Variants in RNF170 observed in about 807,000 individuals in gnomAD.
RNF170 encodes ring finger protein 170.
A neutral mutation model predicts 32.7 loss-of-function variants in RNF170; 12 were observed. That is an observed-to-expected ratio of 0.37 (90% CI 0.24 to 0.60). The LOEUF (loss-of-function observed/expected upper bound fraction) is 0.60. Ranked by LOEUF, RNF170 falls within the 20% of genes least tolerant of loss-of-function variation. The pLI, the probability that RNF170 is intolerant of heterozygous loss-of-function variation, is 0.72. For synonymous variants in RNF170, 91 were observed against 103.6 expected, an observed-to-expected ratio of 0.88 and a Z score of 0.74; for missense variants, 212 against 311.2, an observed-to-expected ratio of 0.68 and a Z score of 2.40.
intron 1 of RNF170, among the ~76,000 whole-genome samples, chr8:42,891,301 C>A (rs375358026): frequency 6.6e-6 from 1 of 152,126 alleles, no homozygotes; most frequent in East Asian, 1.9e-4. Context: ...AATTCTGTTT[C>A]TTAGATTTTT....
At chr8:42,889,979 C>T (rs567595598) in intron 1 of RNF170, among the ~76,000 whole-genome samples, 1 of 152,242 alleles carries the variant, frequency 6.6e-6, no homozygotes, top group South Asian at 2.1e-4. Flanking sequence ...GATTTCCAAC[C>T]TCTAATTACC....
At chr8:42,889,044 T>C (rs1645223646) in intron 1 of RNF170, among the ~76,000 whole-genome samples, 1 of 152,202 alleles carries the variant, frequency 6.6e-6, no homozygotes, top group Admixed American at 6.5e-5. Flanking sequence ...TTACCATACT[T>C]ACAGTGTTGT....
rs1241344559 is a variant in RNF170 at position 42,880,216 on chromosome 8, A to C, written c.138-6210T>G. Reference sequence around the variant, plus strand: ...GAGGAGTTGCTTCCTATGGATGAGCAAAAGAAGTGGTTTCTCAAGATAGAA... The same window carrying C: ...GAGGAGTTGCTTCCTATGGATGAGCCAAAGAAGTGGTTTCTCAAGATAGAA... On this transcript the variant is annotated intron_variant, in intron 2 of 6. Transcript: ENST00000527424. 3.9e-5 allele frequency among the ~76,000 whole-genome samples: 6 copies of C among 152,226 alleles called. No individual in the cohort carries two copies. In the East Asian group the frequency reaches 1.2e-3, roughly 29 times the overall value.
rs1804015585 is a variant in RNF170, at chr8:42,865,483, C to T, written c.329G>A (p.Cys110Tyr). The T allele has an allele frequency of 1.2e-6, 2 of 1,612,620 alleles. No homozygotes were observed. Among genetic ancestry groups the T allele is most frequent in the Non-Finnish European group, 1.7e-6 (2 of 1,178,802 alleles). The change falls in exon 5 of 7, where the codon TGC (cysteine) becomes TAC (tyrosine). Residue 110 changes from cysteine to tyrosine, a missense_variant. Cys to Tyr is a radical substitution (Grantham distance 194). Transcript: ENST00000527424. ...TNCGHLFCGA[C>Y]IIAYWRYGSW... ...ACCATATCGCCAGTAAGCAATAATG[C>T]AGGCACCTAATAGACAAAACAAAAC...
intron 5 of RNF170, among the ~76,000 whole-genome samples, chr8:42,864,911 C>T (rs904896462): frequency 6.6e-6 from 1 of 151,104 alleles, no homozygotes; most frequent in African/African-American, 2.4e-5. Flanking sequence ...GTAGTGGTAT[C>T]TCAGTGACAG....
chr8:42,883,682 C>T (rs1166249664), intron 2 of RNF170, among the ~76,000 whole-genome samples: 1 of 151,534 alleles, frequency 6.6e-6, no homozygotes, highest in African/African-American at 2.4e-5. Context: ...GAGTTCAAGA[C>T]CAGCCTGACC....
At chr8:42,888,880 T>C (rs58641534) in intron 1 of RNF170, among the ~76,000 whole-genome samples, 7,439 of 152,094 alleles carry the variant, frequency 0.049, 374 homozygotes, top group African/African-American at 0.12. Context: ...TCAGATCCCT[T>C]TTCCCCCTCA....
intron 6 of RNF170, among the ~76,000 whole-genome samples, chr8:42,860,754 G>A (rs1803593862): frequency 1.4e-5 from 2 of 147,814 alleles, no homozygotes; most frequent in Admixed American, 6.8e-5. Context: ...TTTCACTCTC[G>A]TCGCCCAGGC....
In RNF170 at chr8:42,855,247, T is replaced by C. The variant is rs944923180; in HGVS notation, c.*912A>G. ...TTTTCATCTTTTTTTTTTTTTTTTT[T>C]GAGAGGGAGTCTCACTCTGTTGCCC... On this transcript the variant is annotated 3_prime_UTR_variant, in exon 7 of 7. Transcript: ENST00000527424. 57 of 1,115,112 alleles carry C rather than the reference T, an allele frequency of 5.1e-5. No individual in the cohort carries two copies. Among genetic ancestry groups the C allele is most frequent in the Non-Finnish European group, 6.6e-5 (55 of 836,564 alleles). 69.1% of individuals were successfully genotyped at this position (1,115,112 alleles called of 1,614,324 possible).
chr8:42,870,617 C>G (rs1804453470), intron 3 of RNF170, among the ~76,000 whole-genome samples: 1 of 152,054 alleles, frequency 6.6e-6, no homozygotes, highest in Non-Finnish European at 1.5e-5. Flanking sequence ...GTAGTCCCAG[C>G]TACTTGGGAG....
rs1183403793 is a variant in RNF170, at chr8:42,870,022, A to G, written c.304T>C (p.Cys102Arg). ...HQASFPVETN[C>R]GHLFCGACII... ...TGCTTACCACAAAAAAGATGTCCACAGTTGGTCTCCACCGGGAAGGAGGCT... is the reference window on the plus strand; with the variant it reads ...TGCTTACCACAAAAAAGATGTCCACGGTTGGTCTCCACCGGGAAGGAGGCT... Residue 102 changes from cysteine to arginine, a missense_variant, in exon 4 of 7, where the codon TGT (cysteine) becomes CGT (arginine). Around this residue, in one of 2 missense-constraint regions of RNF170, gnomAD observed 115 missense variants for 132.3 expected, o/e 0.87. Transcript: ENST00000527424. The G allele has an allele frequency of 1.2e-6, 2 of 1,613,680 alleles. No individual in the cohort carries two copies. Among genetic ancestry groups the G allele is most frequent in the South Asian group, 1.1e-5 (1 of 91,076 alleles).
At chr8:42,897,224 T>A, upstream of RNF170, 1 of 1,208,050 alleles carries the variant, frequency 8.3e-7, no homozygotes, top group Non-Finnish European at 1.0e-6. Context: ...GAAGACCCCC[T>A]CCCCCCGCCA....
chr8:42,850,827 T>TA, downstream of RNF170: 2 of 1,551,578 alleles, frequency 1.3e-6, no homozygotes, highest in Non-Finnish European at 1.7e-6. Context: ...CACAGTCTAG[T>TA]AACGTGAAGC....
At chr8:42,851,130 T>A, downstream of RNF170, 1 of 1,339,092 alleles carries the variant, frequency 7.5e-7, no homozygotes, top group Non-Finnish European at 1.0e-6. Flanking sequence ...CTCCCTGGGC[T>A]CTACCACCAC....
At chr8:42,873,593 T>C (rs1804684406) in intron 3 of RNF170, among the ~76,000 whole-genome samples, 2 of 152,210 alleles carry the variant, frequency 1.3e-5, no homozygotes, top group African/African-American at 4.8e-5. Context: ...TAGTTATTTC[T>C]TTGTAGATAT....
At chr8:42,891,262 C>T (rs1041212140) in intron 1 of RNF170, among the ~76,000 whole-genome samples, 9 of 152,168 alleles carry the variant, frequency 5.9e-5, no homozygotes, top group Admixed American at 6.5e-5. Context: ...AGAGATATGA[C>T]TATGATCTGG....
At chr8:42,880,491 G>C (rs1470432610) in intron 2 of RNF170, among the ~76,000 whole-genome samples, 1 of 152,204 alleles carries the variant, frequency 6.6e-6, no homozygotes, top group East Asian at 1.9e-4. Flanking sequence ...GAAATTGCCA[G>C]CCAGGCGCAG....
chr8:42,863,292 G>A (rs1803795062), intron 5 of RNF170, among the ~76,000 whole-genome samples: 1 of 152,002 alleles, frequency 6.6e-6, no homozygotes. Flanking sequence ...ACTGGCTACT[G>A]TACACATGTC....
At chr8:42,856,505 T>C (rs1803253817) in intron 6 of RNF170, 77 bp from the exon 7 acceptor site, 12 of 1,026,958 alleles carry the variant, frequency 1.2e-5, no homozygotes, top group Middle Eastern at 2.1e-4. Flanking sequence ...TTTCTTACTA[T>C]ATGTAAACAT....
Sources: allele counts gnomAD v4.1 joint callset (sites outside exome capture counted in the v4.1 genomes callset), GRCh38; gene constraint gnomAD v4.1.1; regional missense constraint gnomAD v4.1.1; transcripts MANE v1.5; gene names NCBI Gene and HGNC (gene_info 2026-07-23, HGNC 2026-07-21).